ZAN: variants seen among roughly 807,000 people sequenced by gnomAD.
The protein encoded by ZAN is zonadhesin.
In ZAN, 260 loss-of-function variants were observed where a neutral mutation model predicts 286.2. The ratio of observed to expected loss-of-function variants is 0.91; its 90% CI spans 0.82 to 1.01. The LOEUF (loss-of-function observed/expected upper bound fraction) is 1.01, where lower values mean the gene tolerates loss of function less well. Ranked by LOEUF, ZAN falls within the 50% of genes least tolerant of loss-of-function variation. The pLI is 0.00. For missense variants in ZAN, 3,410 were observed against 3,639.2 expected (o/e 0.94, Z 1.62); for synonymous variants, 1,368 against 1,417.5 (o/e 0.97, Z 0.79).
rs1485910120 is a variant in ZAN, at chr7:100,765,611, C to T, written c.4470+57C>T. On this transcript the variant is annotated intron_variant, in intron 23 of 47. Coordinates refer to ENST00000613979, the MANE Select transcript of ZAN (RefSeq NM_003386.3). Reference sequence around the variant, plus strand: ...AGCTAGAAAGGGCCTGCTCCCTGCTCTCACACCCCCTGCAAGCTCTTTCTT... The same window carrying T: ...AGCTAGAAAGGGCCTGCTCCCTGCTTTCACACCCCCTGCAAGCTCTTTCTT... The T allele has an allele frequency of 2.0e-6, 3 of 1,509,208 alleles. No homozygotes were observed. The South Asian group carries it at 3.6e-5, about 18-fold the overall frequency. The allele number at this position is 1,509,208 out of a possible 1,614,324, so 93.5% of individuals were successfully genotyped here. A position where few individuals can be genotyped will look rare whatever the true frequency, so the allele number is the denominator to read the frequency against.
In ZAN at chr7:100,789,046, C is replaced by T. The variant is rs543297721; in HGVS notation, c.7228-172C>T. Among the ~76,000 whole-genome samples, 8 of 152,182 alleles carry T rather than the reference C, an allele frequency of 5.3e-5. No homozygotes were observed. In the South Asian group the frequency reaches 1.7e-3, roughly 32 times the overall value. On this transcript the variant is annotated intron_variant, in intron 38 of 47. Transcript: ENST00000613979. ...GGAAGGACTTGGGCTGGGAAGGGGG[C>T]GGACCTCACAGAGGTTTCTGCCACG...
At position 100,791,149 on chromosome 7, in the gene ZAN, A is replaced by C. The variant is rs376207876; in HGVS notation, c.7529+36A>C. On this transcript the variant is annotated intron_variant, in intron 40 of 47. Coordinates refer to ENST00000613979, the MANE Select transcript of ZAN (RefSeq NM_003386.3). ...TGGAAGGGATGAGGCGGGGGAGGTG[A>C]ACAACAATGTCTGTGCACGGTGGCC... 26 of 1,592,998 alleles carry C rather than the reference A, an allele frequency of 1.6e-5. 1 individual carries two copies. Among genetic ancestry groups the C allele is most frequent in the Non-Finnish European group, 2.2e-5 (26 of 1,173,884 alleles).
In ZAN at chr7:100,775,423, A is replaced by G; in HGVS notation, c.5875A>G (p.Lys1959Glu). The G allele has an allele frequency of 6.2e-7, 1 of 1,613,926 alleles. No individual in the cohort carries two copies. Among genetic ancestry groups the G allele is most frequent in the East Asian group, 2.2e-5 (1 of 44,876 alleles). The change falls in exon 32 of 48, where the codon AAA becomes GAA. Residue 1959 changes from lysine to glutamate, a missense_variant. Lys to Glu is a moderately conservative substitution (Grantham distance 56, BLOSUM62 1). Transcript: ENST00000613979. Reference protein sequence around the residue: ...IPDACTLVLVKVCHPAMALPF... With the variant: ...IPDACTLVLVEVCHPAMALPF... ...GGACGCCTGCACTCTTGTCCTGGTGAAAGTGTGCCACCCCGCCATGGCCTT... is the reference window on the plus strand; with the variant it reads ...GGACGCCTGCACTCTTGTCCTGGTGGAAGTGTGCCACCCCGCCATGGCCTT...
chr7:100,737,200 C>G (rs1807373945), intron 5 of ZAN, 62 bp from the exon 6 acceptor site: 1 of 1,417,656 alleles, frequency 7.1e-7, no homozygotes, highest in African/African-American at 1.5e-5. Context: ...AGGAAGAAAA[C>G]TAGGAGCCAG....
intron 19 of ZAN, among the ~76,000 whole-genome samples, chr7:100,761,957 T>G (rs1809611015): frequency 6.7e-6 from 1 of 149,450 alleles, no homozygotes; most frequent in Admixed American, 6.7e-5. Flanking sequence ...GATAAATAAA[T>G]AAATAAATAA....
Position 100,760,477 on chromosome 7 carries a change from G to A in ZAN, c.3783G>A (p.Thr1261=), listed in dbSNP as rs774781343. 5.6e-6 allele frequency: 9 copies of A among 1,613,990 alleles called. No homozygotes were observed. Among genetic ancestry groups the A allele is most frequent in the African/African-American group, 4.0e-5 (3 of 75,038 alleles). Residue 1261 remains threonine, a synonymous_variant, in exon 19 of 48, where the codon ACG becomes ACA. Transcript: ENST00000613979. ...GCGGGCGGTTTGTGGAGCTGCAGAC[G>A]GAGTTCGGTTTGCGGGTGAGATGGG... ...GASGRFVELQ[T]EFGLRVRWDG...
chr7:100,792,826 G>C (rs955509515), intron 42 of ZAN, among the ~76,000 whole-genome samples: 3 of 151,550 alleles, frequency 2.0e-5, no homozygotes, highest in Non-Finnish European at 4.4e-5. Flanking sequence ...GCAGACCCTG[G>C]ATGGGCTGGG....
chr7:100,751,619 C>A, intron 13 of ZAN, 93 bp from the exon 14 acceptor site: 4 of 1,388,882 alleles, frequency 2.9e-6, no homozygotes, highest in South Asian at 1.5e-5. Flanking sequence ...TGTGAATAAG[C>A]CACCCATGGG....
Position 100,769,887 on chromosome 7 carries a change from C to T in ZAN, c.5161C>T (p.Leu1721Phe). ...LPESSEPGCFLVGGKPSSCQE... is the reference protein window; with the variant it reads ...LPESSEPGCFFVGGKPSSCQE... ...CTATTCTCTCTCATTTAGCTGTTTC[C>T]TTGTGGGTGGCAAGCCCTCCAGCTG... Residue 1721 changes from leucine (L) to phenylalanine (F), a missense_variant, in exon 28 of 48, where the codon CTT (leucine) becomes TTT (phenylalanine). Leu to Phe is a conservative substitution (Grantham distance 22). Coordinates refer to ENST00000613979, the MANE Select transcript of ZAN (RefSeq NM_003386.3). 6.4e-7 allele frequency: 1 copy of T among 1,556,370 alleles called. No homozygotes were observed. Among genetic ancestry groups the T allele is most frequent in the Non-Finnish European group, 8.7e-7 (1 of 1,149,442 alleles).
rs369943207 is a variant in ZAN at position 100,795,277 on chromosome 7, T to G, written c.8207T>G (p.Val2736Gly). The G allele has an allele frequency of 6.2e-7, 1 of 1,611,426 alleles. No individual in the cohort carries two copies. The highest frequency in any genetic ancestry group is 1.7e-5 in the Admixed American group (1 of 59,698). The change falls in exon 45 of 48, where the codon GTT (valine) becomes GGT (glycine). Residue 2736 changes from valine (V) to glycine (G), a missense_variant. Coordinates refer to ENST00000613979, the MANE Select transcript of ZAN (RefSeq NM_003386.3). ...QGATFTCECE[V>G]GYGGGLCMEP... Reference sequence around the variant, plus strand: ...GCCACCTTCACCTGCGAGTGTGAAGTTGGTTACGGGGGAGGCCTGTGTATG... The same window carrying G: ...GCCACCTTCACCTGCGAGTGTGAAGGTGGTTACGGGGGAGGCCTGTGTATG...
At position 100,790,983 on chromosome 7, in the gene ZAN, C is replaced by T; in HGVS notation, c.7399C>T (p.Leu2467=). 6.2e-7 allele frequency: 1 copy of T among 1,612,206 alleles called. No individual in the cohort carries two copies. Among genetic ancestry groups the T allele is most frequent in the Non-Finnish European group, 8.5e-7 (1 of 1,179,306 alleles). Residue 2467 remains leucine, a synonymous_variant, in exon 40 of 48, where the codon CTG becomes TTG. Transcript: ENST00000613979. ...CATGTACGAGGGGCTTGTGAGTGGC[C>T]TGTGCGGAAACTACGACAAGAACCG... is the stretch of plus-strand genomic sequence containing the variant. ...PSMYEGLVSG[L]CGNYDKNRKN...
chr7:100,795,110 G>A (rs1023542182), intron 44 of ZAN, 86 bp from the exon 45 acceptor site: 11 of 1,477,602 alleles, frequency 7.4e-6, no homozygotes, highest in Middle Eastern at 2.4e-4. Context: ...CTTTCTCCCC[G>A]GGCGTCCCAG....
chr7:100,755,283 G>A lies in ZAN; in HGVS notation c.3182G>A (p.Ser1061Asn). The stretch of plus-strand genomic sequence containing the variant: ...TGTGCTTGTCCTGCTTCGTGCAAGA[G>A]CCCCAGGCCTAGCTGTGGGCCCCTC... Reference protein sequence around the residue: ...ESCACPASCKSPRPSCGPLCR... With the variant: ...ESCACPASCKNPRPSCGPLCR... The change falls in exon 15 of 48, where the codon AGC (serine) becomes AAC (asparagine). Residue 1061 changes from serine to asparagine, a missense_variant. This residue lies in a region of ZAN where 1,042 missense variants were observed against 1,058.0 expected (regional missense o/e 0.98). Coordinates refer to ENST00000613979, the MANE Select transcript of ZAN (RefSeq NM_003386.3). The A allele has an allele frequency of 1.2e-6, 2 of 1,613,840 alleles. No individual in the cohort carries two copies. Among genetic ancestry groups the A allele is most frequent in the Non-Finnish European group, 1.7e-6 (2 of 1,179,866 alleles).
At chr7:100,750,960 G>A in intron 12 of ZAN, 64 bp downstream of exon 12, 1 of 1,510,850 alleles carries the variant, frequency 6.6e-7, no homozygotes, top group Non-Finnish European at 8.8e-7. Flanking sequence ...GGGATCTGGG[G>A]GCGCCACCAG....
chr7:100,784,720 C>A lies in ZAN; in HGVS notation c.6720C>A (p.Val2240=). 2 of 1,613,954 alleles carry A rather than the reference C, an allele frequency of 1.2e-6. No homozygotes were observed. The highest frequency in any genetic ancestry group is 1.6e-4 in the Middle Eastern group (1 of 6,062). Residue 2240 remains valine (V), a synonymous_variant, in exon 36 of 48, where the codon GTC becomes GTA. Coordinates refer to ENST00000613979, the MANE Select transcript of ZAN (RefSeq NM_003386.3). ...DLDGRCEGAK[V]PSACAEGCIC... ...ATGGCCGGTGTGAGGGCGCCAAAGT[C>A]CCCTCTGCCTGCGCTGAGGGCTGCA...
chr7:100,756,917 C>T (rs1416217814), intron 15 of ZAN, among the ~76,000 whole-genome samples: 4 of 152,014 alleles, frequency 2.6e-5, no homozygotes, highest in African/African-American at 9.7e-5. Flanking sequence ...TACGGGCATG[C>T]GCCACCACGC....
intron 26 of ZAN, among the ~76,000 whole-genome samples, chr7:100,768,385 T>A (rs751527984): frequency 3.8e-4 from 58 of 152,062 alleles, no homozygotes; most frequent in Non-Finnish European, 4.1e-4. Flanking sequence ...CGCGGGAGAA[T>A]CGCTTGAACC....
At position 100,797,238 on chromosome 7, in the gene ZAN, G is replaced by A. The variant is rs922571849; in HGVS notation, c.8267-128G>A. 3.2e-5 allele frequency: 27 copies of A among 831,916 alleles called. No individual in the cohort carries two copies. The Middle Eastern group carries it at 1.1e-3, about 32-fold the overall frequency. The allele number at this position is 831,916 out of a possible 1,614,324, so 51.5% of individuals were successfully genotyped here. On this transcript the variant is annotated intron_variant, in intron 45 of 47. Coordinates refer to ENST00000613979, the MANE Select transcript of ZAN (RefSeq NM_003386.3). ...TGAGAACCTCCTGGAGGAAGAAGCA[G>A]ACACACCTAGAGATTTAGAGAGATG... is the stretch of plus-strand genomic sequence containing the variant.
chr7:100,749,520 G>T (rs1454624538), intron 11 of ZAN, among the ~76,000 whole-genome samples: 1 of 151,042 alleles, frequency 6.6e-6, no homozygotes, highest in Non-Finnish European at 1.5e-5. Flanking sequence ...GGCGCCTGTA[G>T]TCCCAGCTAC....
Sources: allele counts gnomAD v4.1 joint callset (sites outside exome capture counted in the v4.1 genomes callset), GRCh38; gene constraint gnomAD v4.1.1; regional missense constraint gnomAD v4.1.1; transcripts MANE v1.5; gene names NCBI Gene and HGNC (gene_info 2026-07-23, HGNC 2026-07-21).